The following APBA1 variants were observed in gnomAD, a reference collection of about 807,000 sequenced individuals.
APBA1 encodes the protein amyloid beta precursor protein binding family A member 1.
APBA1 carries 55 observed loss-of-function variants against 86.6 expected under a neutral mutation model. The observed-to-expected ratio is 0.64, with a 90% CI of 0.51 to 0.80. APBA1 has a LOEUF of 0.80. APBA1 is among the 30% of genes least tolerant of loss of function. The probability of loss-of-function intolerance (pLI) is 0.00; values close to 1 mark genes in which losing one functional copy is unlikely to be tolerated. For synonymous variants in APBA1, 511 were observed against 493.9 expected, an observed-to-expected ratio of 1.03 and a Z score of -0.46; for missense variants, 1,090 against 1,183.0, an observed-to-expected ratio of 0.92 and a Z score of 1.15.
At chr9:69,592,696 T>C (rs1822153826) in intron 1 of APBA1, among the ~76,000 whole-genome samples, 1 of 152,256 alleles carries the variant, frequency 6.6e-6, no homozygotes, top group Non-Finnish European at 1.5e-5. Flanking sequence ...TCTTCTCTTG[T>C]CTGCTACCAT....
chr9:69,554,484 C>T (rs112429262), intron 1 of APBA1, among the ~76,000 whole-genome samples: 15 of 152,244 alleles, frequency 9.9e-5, no homozygotes, highest in African/African-American at 3.1e-4. Flanking sequence ...ACTTGTGATC[C>T]ATTAGTGGTT....
intron 5 of APBA1, chr9:69,463,296 A>T (rs1391507505): frequency 6.6e-6 from 1 of 151,870 alleles, no homozygotes; most frequent in African/African-American, 2.4e-5. Context: ...ATTTATTCCT[A>T]AAGGGCCTAT....
intron 1 of APBA1, among the ~76,000 whole-genome samples, chr9:69,547,200 A>AG (rs1304718433): frequency 2.0e-5 from 3 of 152,190 alleles, no homozygotes; most frequent in African/African-American, 7.2e-5. Flanking sequence ...AGAAATCCAG[A>AG]GGGGGACAGT....
At chr9:69,441,651 T>TA (rs1488801947) in intron 10 of APBA1, among the ~76,000 whole-genome samples, 1 of 152,184 alleles carries the variant, frequency 6.6e-6, no homozygotes, top group Non-Finnish European at 1.5e-5. Flanking sequence ...TTCTGCCAGT[T>TA]AGAGATTTTA....
intron 1 of APBA1, among the ~76,000 whole-genome samples, chr9:69,594,141 C>T (rs1822184589): frequency 6.6e-6 from 1 of 152,130 alleles, no homozygotes; most frequent in African/African-American, 2.4e-5. Flanking sequence ...CAACTTTTCC[C>T]CTTGTAAACA....
intron 1 of APBA1, among the ~76,000 whole-genome samples, chr9:69,588,487 A>T (rs1025188996): frequency 5.9e-5 from 9 of 152,262 alleles, no homozygotes; most frequent in African/African-American, 1.9e-4. Flanking sequence ...GATGTCCCCC[A>T]AGTCTTTGGT....
chr9:69,609,005 G>T (rs1035546571), intron 1 of APBA1, among the ~76,000 whole-genome samples: 3 of 152,162 alleles, frequency 2.0e-5, no homozygotes, highest in Non-Finnish European at 4.4e-5. Context: ...TAAAACATCA[G>T]TTTAACCAAT....
chr9:69,553,604 T>C (rs1018893147), intron 1 of APBA1, among the ~76,000 whole-genome samples: 1 of 152,236 alleles, frequency 6.6e-6, no homozygotes, highest in African/African-American at 2.4e-5. Context: ...TTCAATTTGT[T>C]CATCCATTAT....
chr9:69,437,434 A>G lies in APBA1; in HGVS notation c.2301+3562T>C, dbSNP rs1464715733. 8.5e-4 allele frequency among the ~76,000 whole-genome samples: 113 copies of G among 132,630 alleles called. 1 individual carries two copies. Among genetic ancestry groups the G allele is most frequent in the African/African-American group, 3.0e-3 (100 of 33,696 alleles). The allele number at this position is 132,630 out of a possible 152,430, so 87.0% of individuals were successfully genotyped here. On this transcript the variant is annotated intron_variant, in intron 11 of 12. Coordinates refer to ENST00000265381, the MANE Select transcript of APBA1 (RefSeq NM_001163.4). ...GACTCTTTTTGGTTGGTAAGCTATT[A>G]ATTATTGGCTCAATTTCAGAGCCTG... is the stretch of plus-strand genomic sequence containing the variant.
chr9:69,646,555 G>A (rs922006230), intron 1 of APBA1, among the ~76,000 whole-genome samples: 5 of 151,852 alleles, frequency 3.3e-5, no homozygotes, highest in African/African-American at 9.7e-5. Flanking sequence ...GGAGAGCTTC[G>A]GAGGAAGTCC....
intron 11 of APBA1, among the ~76,000 whole-genome samples, chr9:69,440,447 C>A (rs554944643): frequency 6.6e-6 from 1 of 150,730 alleles, no homozygotes. Context: ...CGAGCTTCCC[C>A]GCTGCTTTGT....
intron 1 of APBA1, among the ~76,000 whole-genome samples, chr9:69,652,973 G>A (rs976863973): frequency 6.6e-6 from 1 of 151,530 alleles, no homozygotes; most frequent in African/African-American, 2.4e-5. Context: ...CTCCAGCCTG[G>A]GTGACAGAGT....
chr9:69,631,380 G>A (rs1823040834), intron 1 of APBA1, among the ~76,000 whole-genome samples: 1 of 152,172 alleles, frequency 6.6e-6, no homozygotes, highest in Non-Finnish European at 1.5e-5. Context: ...CAGTTAGAAT[G>A]GCAATCATTA....
chr9:69,640,040 T>TC (rs1823255189), intron 1 of APBA1, among the ~76,000 whole-genome samples: 1 of 151,896 alleles, frequency 6.6e-6, no homozygotes, highest in South Asian at 2.1e-4. Flanking sequence ...ATAAAGAACA[T>TC]CCTACAGGAA....
chr9:69,489,229 C>T (rs1407383535), intron 2 of APBA1, among the ~76,000 whole-genome samples: 1 of 152,012 alleles, frequency 6.6e-6, no homozygotes, highest in Non-Finnish European at 1.5e-5. Context: ...ATTCAAACTA[C>T]ACTACAAGGC....
intron 1 of APBA1, among the ~76,000 whole-genome samples, chr9:69,631,567 A>G (rs1823046434): frequency 1.3e-5 from 2 of 152,240 alleles, no homozygotes; most frequent in African/African-American, 2.4e-5. Context: ...TGTATATCCA[A>G]AGGATTATAA....
In APBA1 at chr9:69,510,646, G is replaced by T. The variant is rs1241681807; in HGVS notation, c.1200+5365C>A. Among the ~76,000 whole-genome samples, 4 of 142,268 alleles carry T rather than the reference G, an allele frequency of 2.8e-5. 1 individual carries two copies. The highest frequency in any genetic ancestry group is 6.0e-5 in the Non-Finnish European group (4 of 66,784). 93.3% of individuals were successfully genotyped at this position (142,268 alleles called of 152,430 possible). Reference sequence around the variant, plus strand: ...CTAAGCCAAAAGAACAAAGCTGGAGGCATCACGCTACCTGACTTCAAACTA... The same window carrying T: ...CTAAGCCAAAAGAACAAAGCTGGAGTCATCACGCTACCTGACTTCAAACTA... On this transcript the variant is annotated intron_variant, in intron 2 of 12. Transcript: ENST00000265381.
intron 1 of APBA1, among the ~76,000 whole-genome samples, chr9:69,656,049 A>C (rs1823605536): frequency 6.6e-6 from 1 of 152,234 alleles, no homozygotes; most frequent in African/African-American, 2.4e-5. Flanking sequence ...AACAACATTA[A>C]TAAAAATAAC....
intron 1 of APBA1, among the ~76,000 whole-genome samples, chr9:69,650,923 A>G: frequency 6.6e-6 from 1 of 152,212 alleles, no homozygotes; most frequent in East Asian, 1.9e-4. Context: ...ACTCCTAAAT[A>G]TATACTGAAG....
Sources: allele counts gnomAD v4.1 joint callset (sites outside exome capture counted in the v4.1 genomes callset), GRCh38; gene constraint gnomAD v4.1.1; transcripts MANE v1.5; gene names NCBI Gene and HGNC (gene_info 2026-07-23, HGNC 2026-07-21).